Variants in KCNN2 observed in about 807,000 individuals in gnomAD.
KCNN2 encodes the protein potassium calcium-activated channel subfamily N member 2, also known as small conductance calcium-activated potassium channel protein 2.
A neutral mutation model predicts 55.5 loss-of-function variants in KCNN2; 24 were observed. The ratio of observed to expected loss-of-function variants is 0.43; its 90% CI spans 0.31 to 0.61. The LOEUF (loss-of-function observed/expected upper bound fraction) is 0.61. Ranked by LOEUF, KCNN2 falls within the 20% of genes least tolerant of loss-of-function variation. KCNN2 has a pLI of 0.08. For synonymous variants in KCNN2, 431 were observed against 336.1 expected (o/e 1.28, Z -3.09); for missense variants, 754 against 853.6 (o/e 0.88, Z 1.45).
intron 1 of KCNN2, among the ~76,000 whole-genome samples, chr5:114,175,318 T>C (rs1753113341): frequency 6.6e-6 from 1 of 152,192 alleles, no homozygotes; most frequent in Non-Finnish European, 1.5e-5. Flanking sequence ...TAACTATATA[T>C]AAAGACTTTG....
intron 1 of KCNN2, among the ~76,000 whole-genome samples, chr5:114,206,598 C>T (rs555250559): frequency 6.6e-6 from 1 of 152,050 alleles, no homozygotes; most frequent in African/African-American, 2.4e-5. Context: ...CTCTCGTTAG[C>T]CTTTCCAGAC....
intron 3 of KCNN2, among the ~76,000 whole-genome samples, chr5:114,423,426 G>A (rs1759528095): frequency 6.6e-6 from 1 of 152,038 alleles, no homozygotes; most frequent in African/African-American, 2.4e-5. Flanking sequence ...CTTCTCCAGG[G>A]ACTTAGGAAG....
chr5:114,076,505 C>G (rs908045079), intron 1 of KCNN2, among the ~76,000 whole-genome samples: 5 of 152,112 alleles, frequency 3.3e-5, no homozygotes, highest in African/African-American at 1.2e-4. Flanking sequence ...TAAAAGGATC[C>G]TTACACAAAA....
intron 2 of KCNN2, among the ~76,000 whole-genome samples, chr5:114,275,488 A>G (rs1369010270): frequency 6.6e-6 from 1 of 152,022 alleles, no homozygotes; most frequent in African/African-American, 2.4e-5. Flanking sequence ...TTGGTAGGCT[A>G]TTAATTATTG....
chr5:114,447,828 CT>C (rs1439998629), intron 3 of KCNN2, among the ~76,000 whole-genome samples: 1 of 152,170 alleles, frequency 6.6e-6, no homozygotes, highest in East Asian at 1.9e-4. Flanking sequence ...GCGCTTTTTC[CT>C]TTTTGCTTCT....
intron 1 of KCNN2, among the ~76,000 whole-genome samples, chr5:114,132,492 A>C (rs77322685): frequency 0.039 from 5,915 of 152,220 alleles, 159 homozygotes; most frequent in Non-Finnish European, 0.06. Context: ...TGCTGACAGG[A>C]TTCTTAAAAT....
intron 1 of KCNN2, among the ~76,000 whole-genome samples, chr5:114,166,692 G>T (rs1386439749): frequency 6.6e-6 from 1 of 152,268 alleles, no homozygotes; most frequent in East Asian, 1.9e-4. Context: ...AAAGCCTCCA[G>T]ACACATGTAG....
chr5:114,234,017 T>G (rs1754419277), intron 2 of KCNN2, among the ~76,000 whole-genome samples: 1 of 151,136 alleles, frequency 6.6e-6, no homozygotes, highest in Admixed American at 6.6e-5. Flanking sequence ...AATTTTAACT[T>G]GGCTCTAGCT....
At chr5:114,087,785 T>G (rs1238328501) in intron 1 of KCNN2, among the ~76,000 whole-genome samples, 1 of 152,110 alleles carries the variant, frequency 6.6e-6, no homozygotes, top group African/African-American at 2.4e-5. Flanking sequence ...GTTTTATTTT[T>G]TAGTGTTTGT....
chr5:114,462,300 C>T (rs1170105422), intron 3 of KCNN2, among the ~76,000 whole-genome samples: 2 of 152,202 alleles, frequency 1.3e-5, no homozygotes, highest in South Asian at 2.1e-4. Context: ...TAAAATTTGA[C>T]ACCTCAAAGA....
At chr5:114,065,995 C>A (rs189340217) in intron 1 of KCNN2, among the ~76,000 whole-genome samples, 7 of 151,264 alleles carry the variant, frequency 4.6e-5, no homozygotes, top group Non-Finnish European at 8.8e-5. Context: ...TTACATTTTG[C>A]AATCCAGTCT....
chr5:114,181,889 CT>C (rs1334084719), intron 1 of KCNN2, among the ~76,000 whole-genome samples: 1 of 152,138 alleles, frequency 6.6e-6, no homozygotes, highest in Non-Finnish European at 1.5e-5. Flanking sequence ...TGGCGCACGC[CT>C]GTAGTCCCAA....
At chr5:114,370,258 G>A (rs891558396) in intron 2 of KCNN2, among the ~76,000 whole-genome samples, 11 of 152,030 alleles carry the variant, frequency 7.2e-5, no homozygotes, top group African/African-American at 1.9e-4. Flanking sequence ...GTTCATACAC[G>A]TACAAGGCTG....
At chr5:114,409,271 T>C (rs1346850149) in intron 3 of KCNN2, among the ~76,000 whole-genome samples, 1 of 152,236 alleles carries the variant, frequency 6.6e-6, no homozygotes, top group African/African-American at 2.4e-5. Flanking sequence ...CATTTGGTTT[T>C]TATTAAACTT....
chr5:114,319,311 G>T (rs946252131), intron 2 of KCNN2, among the ~76,000 whole-genome samples: 2 of 152,156 alleles, frequency 1.3e-5, no homozygotes, highest in Non-Finnish European at 2.9e-5. Flanking sequence ...TTAAGGGGAT[G>T]AGCTGTTTCC....
intron 3 of KCNN2, among the ~76,000 whole-genome samples, chr5:114,415,919 G>T (rs1759291149): frequency 6.6e-6 from 1 of 152,044 alleles, no homozygotes; most frequent in African/African-American, 2.4e-5. Flanking sequence ...CCAAAGCCAT[G>T]CAGGAAAAAA....
chr5:114,301,502 C>G (rs1263426566), intron 2 of KCNN2, among the ~76,000 whole-genome samples: 2 of 152,158 alleles, frequency 1.3e-5, no homozygotes, highest in African/African-American at 4.8e-5. Flanking sequence ...CCATGAAACA[C>G]CCTTTTAGTG....
intron 2 of KCNN2, among the ~76,000 whole-genome samples, chr5:114,249,081 C>T (rs1366748355): frequency 6.6e-6 from 1 of 152,040 alleles, no homozygotes; most frequent in Non-Finnish European, 1.5e-5. Flanking sequence ...TCTACAAAGA[C>T]AAAGTTTCTG....
intron 1 of KCNN2, among the ~76,000 whole-genome samples, chr5:114,114,107 G>A (rs1434520181): frequency 6.6e-6 from 1 of 151,996 alleles, no homozygotes; most frequent in African/African-American, 2.4e-5. Context: ...TATTCTTCTG[G>A]TTTTTCTATT....
Sources: gnomAD v4.1 joint callset for allele counts (sites outside exome capture counted in the v4.1 genomes callset) on GRCh38, gnomAD v4.1.1 for gene constraint, MANE v1.5 for transcripts, NCBI Gene and HGNC (gene_info 2026-07-23, HGNC 2026-07-21) for gene names.